Variants in WARS1 observed in about 807,000 individuals in gnomAD.
WARS1 encodes the protein tryptophanyl-tRNA synthetase 1.
A neutral mutation model predicts 47.8 loss-of-function variants in WARS1; 17 were observed. The observed-to-expected ratio is 0.36, with a 90% CI of 0.24 to 0.53. The LOEUF (loss-of-function observed/expected upper bound fraction) is 0.53, where lower values mean the gene tolerates loss of function less well. Among genes scored for constraint, WARS1 ranks in the 20% least tolerant of loss-of-function variants. The probability of loss-of-function intolerance (pLI) is 0.91; values close to 1 mark genes in which losing one functional copy is unlikely to be tolerated. For synonymous variants in WARS1, 208 were observed against 228.1 expected (o/e 0.91, Z 0.79); for missense variants, 434 against 608.0 (o/e 0.71, Z 3.01).
intron 3 of WARS1, 129 bp downstream of exon 3, chr14:100,361,579 T>G (rs1273882856): frequency 1.0e-5 from 9 of 898,692 alleles, no homozygotes; most frequent in Admixed American, 2.8e-5. Context: ...TTAGTATCCA[T>G]TTTTTCTTGG....
intron 7 of WARS1, among the ~76,000 whole-genome samples, chr14:100,345,965 G>A (rs146595231): frequency 6.6e-6 from 1 of 152,358 alleles, no homozygotes; most frequent in Non-Finnish European, 1.5e-5. Flanking sequence ...CAAGCAGGGT[G>A]AACGCTCCTC....
chr14:100,352,548 T>C lies in WARS1; in HGVS notation c.725+1139A>G, dbSNP rs970573485. Among the ~76,000 whole-genome samples, 170 of 152,330 alleles carry C rather than the reference T, an allele frequency of 1.1e-3. 2 individuals are homozygous for C. Among genetic ancestry groups the C allele is most frequent in the Middle Eastern group, 3.4e-3 (1 of 294 alleles). On this transcript the variant is annotated intron_variant, in intron 6 of 10. Coordinates refer to ENST00000392882, the MANE Select transcript of WARS1 (RefSeq NM_004184.4). ...TATCCTGCCTCGGCATGGTCCCTGA[T>C]GGTGAGCTAACATGGGAGGGCCTGC...
chr14:100,361,588 G>T, intron 3 of WARS1, 120 bp downstream of exon 3: 4 of 964,804 alleles, frequency 4.1e-6, no homozygotes, highest in East Asian at 2.5e-5. Context: ...ATTTTTTCTT[G>T]GCATTGAAGC....
chr14:100,366,769 T>C (rs994300314), intron 2 of WARS1: 3 of 1,052,632 alleles, frequency 2.8e-6, no homozygotes, highest in Non-Finnish European at 4.5e-6. Flanking sequence ...GGGGCCACAA[T>C]GAAGCTTGAA....
intron 9 of WARS1, 166 bp downstream of exon 9, chr14:100,342,232 G>T: frequency 3.5e-6 from 3 of 855,026 alleles, no homozygotes; most frequent in Non-Finnish European, 5.7e-6. Flanking sequence ...AGGACAGGCT[G>T]CCTTGAGTTC....
intron 7 of WARS1, among the ~76,000 whole-genome samples, chr14:100,344,869 G>C (rs929419506): frequency 3.3e-5 from 5 of 149,342 alleles, no homozygotes; most frequent in African/African-American, 9.9e-5. Context: ...TGAGAAGTGA[G>C]GAGCCCCTCC....
At chr14:100,356,398 T>TG (rs57891102) in intron 4 of WARS1, among the ~76,000 whole-genome samples, 7,839 of 106,180 alleles carry the variant, frequency 0.074, 562 homozygotes, top group Middle Eastern at 0.14. Flanking sequence ...TGTGTGTGTG[T>TG]GGGGGGGGGT....
intron 2 of WARS1, chr14:100,368,395 A>T (rs904947421): frequency 2.2e-6 from 1 of 455,910 alleles, no homozygotes; most frequent in Admixed American, 2.4e-5. Context: ...TGCAATACAG[A>T]TGGGGAGACT....
intron 7 of WARS1, among the ~76,000 whole-genome samples, chr14:100,344,771 C>T (rs375737420): frequency 4.6e-5 from 7 of 151,092 alleles, no homozygotes; most frequent in African/African-American, 4.9e-5. Flanking sequence ...TCTACCCGGC[C>T]GCGACCCCAT....
At chr14:100,370,782 GAAA>G (rs34312584) in intron 1 of WARS1, among the ~76,000 whole-genome samples, 1 of 145,764 alleles carries the variant, frequency 6.9e-6, no homozygotes, top group East Asian at 2.0e-4. Context: ...ACAAAAAAAT[GAAA>G]AAAAAAAAAA....
At chr14:100,359,947 C>T (rs191542638) in intron 4 of WARS1, among the ~76,000 whole-genome samples, 9 of 152,236 alleles carry the variant, frequency 5.9e-5, no homozygotes, top group Admixed American at 5.9e-4. Flanking sequence ...TAGAACAGAA[C>T]AACCCTACAT....
intron 10 of WARS1, among the ~76,000 whole-genome samples, chr14:100,336,069 G>A (rs1160631173): frequency 1.3e-4 from 20 of 151,760 alleles, no homozygotes; most frequent in Non-Finnish European, 1.5e-5. Context: ...AGGTCGGGAG[G>A]TCGAGACCAT....
chr14:100,357,976 T>C (rs1359946601), intron 4 of WARS1, among the ~76,000 whole-genome samples: 1 of 152,230 alleles, frequency 6.6e-6, no homozygotes, highest in African/African-American at 2.4e-5. Context: ...TATTTTAAGA[T>C]GGCAATACTC....
chr14:100,364,607 T>C (rs1047803735), intron 2 of WARS1, among the ~76,000 whole-genome samples: 7 of 152,256 alleles, frequency 4.6e-5, no homozygotes, highest in African/African-American at 1.7e-4. Flanking sequence ...TCTGGTCTCA[T>C]TGTGCAACCT....
rs1894654894 is a variant in WARS1 at position 100,346,865 on chromosome 14, T to A, written c.726-19A>T. On this transcript the variant is annotated intron_variant, in intron 6 of 10. Transcript: ENST00000392882. ...GCTCATCCTGCAAAGACAACGAGAA[T>A]GAAATCCCAAACGGAGGGCGGCCTT... 1 of 1,606,260 alleles carries A rather than the reference T, an allele frequency of 6.2e-7. No homozygotes were observed. Among genetic ancestry groups the A allele is most frequent in the Non-Finnish European group, 8.5e-7 (1 of 1,173,426 alleles).
chr14:100,339,417 C>T (rs917837036), intron 9 of WARS1, among the ~76,000 whole-genome samples: 6 of 152,072 alleles, frequency 3.9e-5, no homozygotes, highest in Admixed American at 3.9e-4. Context: ...CGGTGAAACC[C>T]CGTCTCTACC....
At chr14:100,371,447 CAAAAA>C (rs60977618) in intron 1 of WARS1, among the ~76,000 whole-genome samples, 1 of 89,102 alleles carries the variant, frequency 1.1e-5, no homozygotes, top group Non-Finnish European at 2.9e-5. Context: ...GGTTCTGTCT[CAAAAA>C]AAAAAAAAAA....
Position 100,337,068 on chromosome 14 carries a change from G to A in WARS1, c.1248C>T (p.Ile416=), listed in dbSNP as rs773636381. The change falls in exon 10 of 11, where the codon ATC becomes ATT. Residue 416 remains isoleucine, a synonymous_variant. Coordinates refer to ENST00000392882, the MANE Select transcript of WARS1 (RefSeq NM_004184.4). ...FLEDDDKLEQ[I]RKDYTSGAML... Reference sequence around the variant, plus strand: ...CTTGGGGTTCCCTGCTCACCTTCCTGATCTGCTCGAGCTTGTCGTCGTCCT... The same window carrying A: ...CTTGGGGTTCCCTGCTCACCTTCCTAATCTGCTCGAGCTTGTCGTCGTCCT... 11 of 1,613,828 alleles carry A rather than the reference G, an allele frequency of 6.8e-6. No homozygotes were observed. The East Asian group carries it at 2.5e-4, about 36-fold the overall frequency.
chr14:100,349,420 A>G (rs563852659), intron 6 of WARS1, among the ~76,000 whole-genome samples: 143 of 152,322 alleles, frequency 9.4e-4, no homozygotes, highest in South Asian at 6.0e-3. Context: ...TGTCCAATAA[A>G]TATTTGTAGA....
Sources: allele counts gnomAD v4.1 joint callset (sites outside exome capture counted in the v4.1 genomes callset), GRCh38; gene constraint gnomAD v4.1.1; transcripts MANE v1.5; gene names NCBI Gene and HGNC (gene_info 2026-07-23, HGNC 2026-07-21).